IQCJ: variants seen among roughly 807,000 people sequenced by gnomAD.
The protein encoded by IQCJ is IQ motif containing J.
A neutral mutation model predicts 11.0 loss-of-function variants in IQCJ; 9 were observed. That is an observed-to-expected ratio of 0.82 (90% CI 0.49 to 1.43). IQCJ has a LOEUF of 1.43. Among genes scored for constraint, IQCJ ranks in the 40% most tolerant of loss-of-function variants. The pLI, the probability that IQCJ is intolerant of heterozygous loss-of-function variation, is 0.00. For missense variants in IQCJ, 146 were observed against 133.2 expected, an observed-to-expected ratio of 1.10 and a Z score of -0.47; for synonymous variants, 55 against 51.3, an observed-to-expected ratio of 1.07 and a Z score of -0.31.
At chr3:159,188,990 C>T (rs553906994) in intron 1 of IQCJ, among the ~76,000 whole-genome samples, 10 of 152,078 alleles carry the variant, frequency 6.6e-5, no homozygotes, top group Admixed American at 5.2e-4. Flanking sequence ...TGGGGGAGGA[C>T]GTAGTGATGG....
At chr3:159,174,978 G>A (rs1315400741) in intron 1 of IQCJ, among the ~76,000 whole-genome samples, 1 of 151,990 alleles carries the variant, frequency 6.6e-6, no homozygotes, top group Non-Finnish European at 1.5e-5. Flanking sequence ...TTAGCCAAGC[G>A]ATTGCCCCAA....
intron 1 of IQCJ, among the ~76,000 whole-genome samples, chr3:159,213,931 A>G (rs1382280048): frequency 6.6e-6 from 1 of 152,010 alleles, no homozygotes; most frequent in African/African-American, 2.4e-5. Context: ...TTTTCAATCT[A>G]CTTTTGGGGC....
At chr3:159,114,951 T>C (rs1718875950) in intron 1 of IQCJ, among the ~76,000 whole-genome samples, 1 of 152,214 alleles carries the variant, frequency 6.6e-6, no homozygotes, top group South Asian at 2.1e-4. Flanking sequence ...GAAGGGTTAG[T>C]GTGTAATTCA....
intron 1 of IQCJ, among the ~76,000 whole-genome samples, chr3:159,176,897 T>C (rs1231127053): frequency 6.6e-6 from 1 of 152,138 alleles, no homozygotes; most frequent in Non-Finnish European, 1.5e-5. Flanking sequence ...TCCACAATAC[T>C]GTACAAAGTG....
At chr3:159,186,156 T>G (rs779680889) in intron 1 of IQCJ, among the ~76,000 whole-genome samples, 2 of 152,084 alleles carry the variant, frequency 1.3e-5, no homozygotes, top group Non-Finnish European at 2.9e-5. Flanking sequence ...AAGGTTGACT[T>G]AGTGAGGGAT....
At chr3:159,214,049 T>G (rs971176465) in intron 1 of IQCJ, among the ~76,000 whole-genome samples, 4 of 152,202 alleles carry the variant, frequency 2.6e-5, no homozygotes, top group Admixed American at 2.0e-4. Flanking sequence ...TATTCATTCC[T>G]ATTACTTCCT....
chr3:159,225,251 C>A (rs1446113930), intron 1 of IQCJ, among the ~76,000 whole-genome samples: 1 of 152,066 alleles, frequency 6.6e-6, no homozygotes. Flanking sequence ...AGTGAATGGA[C>A]CTCCACAAAA....
intron 1 of IQCJ, among the ~76,000 whole-genome samples, chr3:159,194,017 T>C (rs1485425095): frequency 6.6e-6 from 1 of 152,208 alleles, no homozygotes; most frequent in Non-Finnish European, 1.5e-5. Context: ...CATTTTGATA[T>C]TCCTCTTCCC....
At chr3:159,160,257 G>C (rs1721761268) in intron 1 of IQCJ, among the ~76,000 whole-genome samples, 1 of 151,946 alleles carries the variant, frequency 6.6e-6, no homozygotes, top group African/African-American at 2.4e-5. Context: ...ACTCATTATG[G>C]CTGTAATTTT....
Position 159,262,671 on chromosome 3 carries a change from C to A in IQCJ, c.279C>A (p.Asp93Glu). 2 of 1,613,992 alleles carry A rather than the reference C, an allele frequency of 1.2e-6. No homozygotes were observed. Among genetic ancestry groups the A allele is most frequent in the Non-Finnish European group, 1.7e-6 (2 of 1,179,868 alleles). ...SSSVSMNTFS[D>E]SSTPVSVMFL... ...CTGTCAGCATGAACACCTTCTCCGA[C>A]AGCAGCACACCCGTGAGTGTCATGT... The change falls in exon 4 of 4, where the codon GAC becomes GAA. Residue 93 changes from aspartate to glutamate, a missense_variant. Asp to Glu is a conservative substitution (Grantham distance 45). Coordinates refer to ENST00000397832, the MANE Select transcript of IQCJ (RefSeq NM_001042706.3).
chr3:159,236,571 A>G (rs1216384560), intron 1 of IQCJ, among the ~76,000 whole-genome samples: 1 of 152,178 alleles, frequency 6.6e-6, no homozygotes, highest in African/African-American at 2.4e-5. Flanking sequence ...TAATCTGGGA[A>G]ATGTATCTCT....
At chr3:159,139,250 T>C (rs1720465943) in intron 1 of IQCJ, among the ~76,000 whole-genome samples, 1 of 152,204 alleles carries the variant, frequency 6.6e-6, no homozygotes, top group Non-Finnish European at 1.5e-5. Flanking sequence ...TGTCAACAGT[T>C]TGGTCCTGAA....
At chr3:159,090,551 G>A (rs930311218) in intron 1 of IQCJ, among the ~76,000 whole-genome samples, 1 of 151,770 alleles carries the variant, frequency 6.6e-6, no homozygotes, top group African/African-American at 2.4e-5. Flanking sequence ...GTGGACCATG[G>A]GAGGGAAGTC....
chr3:159,116,591 C>T (rs1719012936), intron 1 of IQCJ, among the ~76,000 whole-genome samples: 1 of 127,366 alleles, frequency 7.9e-6, no homozygotes, highest in Non-Finnish European at 1.6e-5. Flanking sequence ...ACCTCTTGTT[C>T]TATTTTAGCA....
chr3:159,077,483 TTA>T (rs1177882180), intron 1 of IQCJ, among the ~76,000 whole-genome samples: 1 of 152,116 alleles, frequency 6.6e-6, no homozygotes, highest in Non-Finnish European at 1.5e-5. Flanking sequence ...TTGAAATAAT[TTA>T]TGTTATATCC....
In IQCJ at chr3:159,072,095, T is replaced by C. The variant is rs188012249; in HGVS notation, c.9+2654T>C. Among the ~76,000 whole-genome samples the C allele has an allele frequency of 1.8e-3, 277 of 152,264 alleles. 2 individuals are homozygous for C. Among genetic ancestry groups the C allele is most frequent in the Non-Finnish European group, 1.8e-3 (124 of 68,002 alleles). Reference sequence around the variant, plus strand: ...GGTGTCAAGGAGGGAAGCTCCTGTTTAAAGATACCATTCCTGCTATTTCAT... The same window carrying C: ...GGTGTCAAGGAGGGAAGCTCCTGTTCAAAGATACCATTCCTGCTATTTCAT... On this transcript the variant is annotated intron_variant, in intron 1 of 3. Coordinates refer to ENST00000397832, the MANE Select transcript of IQCJ (RefSeq NM_001042706.3).
At chr3:159,121,425 C>T (rs1391425914) in intron 1 of IQCJ, among the ~76,000 whole-genome samples, 4 of 152,240 alleles carry the variant, frequency 2.6e-5, no homozygotes, top group African/African-American at 7.2e-5. Context: ...TGAGCCGCTG[C>T]GCCCAGCTTA....
chr3:159,200,708 G>T (rs1196907183), intron 1 of IQCJ, among the ~76,000 whole-genome samples: 1 of 152,180 alleles, frequency 6.6e-6, no homozygotes, highest in Non-Finnish European at 1.5e-5. Flanking sequence ...TCAGTCATAT[G>T]CCTTTCTCCT....
chr3:159,104,840 C>G (rs916584848), intron 1 of IQCJ, among the ~76,000 whole-genome samples: 1 of 152,060 alleles, frequency 6.6e-6, no homozygotes, highest in Non-Finnish European at 1.5e-5. Flanking sequence ...TATGTTTAAC[C>G]GTCTGTTCTG....
Sources: gnomAD v4.1 joint callset for allele counts (sites outside exome capture counted in the v4.1 genomes callset) on GRCh38, gnomAD v4.1.1 for gene constraint, MANE v1.5 for transcripts, NCBI Gene and HGNC (gene_info 2026-07-23, HGNC 2026-07-21) for gene names.